LMO7: variants seen among roughly 807,000 people sequenced by gnomAD.
The protein encoded by LMO7 is LIM domain only protein 7.
In LMO7, 120 loss-of-function variants were observed where a neutral mutation model predicts 206.5. The ratio of observed to expected loss-of-function variants is 0.58; its 90% CI spans 0.50 to 0.68. LMO7 has a LOEUF of 0.68. LMO7 is among the 30% of genes least tolerant of loss of function. LMO7 has a pLI of 0.00. For missense variants in LMO7, 1,959 were observed against 1,957.9 expected (o/e 1.00, Z -0.01); for synonymous variants, 706 against 681.5 (o/e 1.04, Z -0.56).
chr13:75,774,960 TGC>T (rs2050187207), intron 4 of LMO7, among the ~76,000 whole-genome samples: 1 of 152,064 alleles, frequency 6.6e-6, no homozygotes, highest in African/African-American at 2.4e-5. Flanking sequence ...TAAAAAATAA[TGC>T]GAGGTGATAA....
intron 2 of LMO7, chr13:75,627,107 G>A (rs1370357488): frequency 6.6e-6 from 1 of 152,074 alleles, no homozygotes; most frequent in Non-Finnish European, 1.5e-5. Flanking sequence ...AACAAGAATT[G>A]CAATTACAAT....
intron 4 of LMO7, among the ~76,000 whole-genome samples, chr13:75,766,941 T>C (rs2048979851): frequency 6.6e-6 from 1 of 152,150 alleles, no homozygotes; most frequent in African/African-American, 2.4e-5. Flanking sequence ...CCTCTTTTTA[T>C]TCTCATTATA....
intron 3 of LMO7, among the ~76,000 whole-genome samples, chr13:75,748,836 G>T (rs1287853997): frequency 6.7e-6 from 1 of 150,080 alleles, no homozygotes; most frequent in African/African-American, 2.4e-5. Context: ...TTTGAGACAG[G>T]GTCTGGTTCT....
At chr13:75,662,639 C>A (rs12873543) in intron 1 of LMO7, among the ~76,000 whole-genome samples, 1 of 135,104 alleles carries the variant, frequency 7.4e-6, no homozygotes, top group Non-Finnish European at 1.7e-5. Flanking sequence ...TTTTAATGTG[C>A]CAAAAGTTTT....
intron 4 of LMO7, among the ~76,000 whole-genome samples, chr13:75,778,054 G>A (rs61958156): frequency 0.11 from 16,628 of 152,158 alleles, 1,334 homozygotes; most frequent in Admixed American, 0.24. Context: ...CGACAAGAAT[G>A]CATGGTATTA....
At chr13:75,639,844 T>C (rs574312992) in intron 1 of LMO7, among the ~76,000 whole-genome samples, 1 of 152,342 alleles carries the variant, frequency 6.6e-6, no homozygotes, top group African/African-American at 2.4e-5. Context: ...ATTCACCACC[T>C]TTCTGCTCAC....
intron 7 of LMO7, among the ~76,000 whole-genome samples, chr13:75,802,996 A>G (rs1595127826): frequency 6.6e-6 from 1 of 152,226 alleles, no homozygotes; most frequent in Non-Finnish European, 1.5e-5. Context: ...AAAGTTAGAA[A>G]GTAAAATAGT....
intron 3 of LMO7, among the ~76,000 whole-genome samples, chr13:75,727,302 A>G (rs1487795848): frequency 1.3e-5 from 2 of 151,670 alleles, no homozygotes; most frequent in Non-Finnish European, 2.9e-5. Flanking sequence ...TTATTTATTT[A>G]TTTATTTATT....
intron 3 of LMO7, among the ~76,000 whole-genome samples, chr13:75,730,219 G>A (rs1566361130): frequency 6.6e-6 from 1 of 152,122 alleles, no homozygotes; most frequent in Non-Finnish European, 1.5e-5. Context: ...GTTCCTCCTT[G>A]TACCTCTGGT....
chr13:75,640,098 A>T (rs1253896161), intron 1 of LMO7, among the ~76,000 whole-genome samples: 1 of 2,068 alleles, frequency 4.8e-4, no homozygotes, highest in Non-Finnish European at 1.1e-3. Flanking sequence ...ATTTCAATCA[A>T]CAGATATTAA....
intron 4 of LMO7, among the ~76,000 whole-genome samples, chr13:75,787,848 G>A (rs2052673766): frequency 1.3e-5 from 2 of 152,158 alleles, no homozygotes; most frequent in Non-Finnish European, 2.9e-5. Context: ...TCTTTTTAAT[G>A]CAGCTTACTT....
chr13:75,787,542 AG>A (rs2052628822), intron 4 of LMO7, among the ~76,000 whole-genome samples: 1 of 152,254 alleles, frequency 6.6e-6, no homozygotes, highest in Non-Finnish European at 1.5e-5. Context: ...GATTGGAATA[AG>A]CATTATGTTG....
chr13:75,857,713 C>T (rs2061081239), intron 30 of LMO7: 1 of 388,838 alleles, frequency 2.6e-6, no homozygotes, highest in Middle Eastern at 3.4e-4. Context: ...CTATTGTGAG[C>T]AGTTCATTTT....
intron 3 of LMO7, among the ~76,000 whole-genome samples, chr13:75,756,193 C>T (rs1432521555): frequency 6.6e-6 from 1 of 152,142 alleles, no homozygotes; most frequent in African/African-American, 2.4e-5. Flanking sequence ...GTCCTCCAGT[C>T]ATCTCAGCAA....
chr13:75,672,086 C>T (rs186396318), intron 1 of LMO7, among the ~76,000 whole-genome samples: 1 of 152,178 alleles, frequency 6.6e-6, no homozygotes, highest in East Asian at 1.9e-4. Flanking sequence ...ATACCAACAT[C>T]CCTGGATGTT....
At chr13:75,688,478 C>T (rs1424840162) in intron 1 of LMO7, 1 of 152,218 alleles carries the variant, frequency 6.6e-6, no homozygotes, top group Admixed American at 6.5e-5. Flanking sequence ...TTTTCTGACA[C>T]ATTTAACACA....
chr13:75,835,143 G>A, intron 17 of LMO7, 90 bp from the exon 18 acceptor site: 3 of 1,553,670 alleles, frequency 1.9e-6, no homozygotes, highest in Non-Finnish European at 1.7e-6. Context: ...ATCTTCATGT[G>A]CCAATCAGAC....
intron 15 of LMO7, among the ~76,000 whole-genome samples, chr13:75,824,382 A>T (rs1197109484): frequency 1.3e-5 from 2 of 152,184 alleles, no homozygotes; most frequent in Non-Finnish European, 2.9e-5. Flanking sequence ...GTACTTTAGA[A>T]CGTCTATAAT....
At chr13:75,708,019 G>A (rs1159866851) in intron 1 of LMO7, among the ~76,000 whole-genome samples, 1 of 152,068 alleles carries the variant, frequency 6.6e-6, no homozygotes, top group Non-Finnish European at 1.5e-5. Flanking sequence ...AACTAACTCA[G>A]CCATGTCTAT....
Sources: gnomAD v4.1 joint callset for allele counts (sites outside exome capture counted in the v4.1 genomes callset) on GRCh38, gnomAD v4.1.1 for gene constraint, MANE v1.5 for transcripts, NCBI Gene and HGNC (gene_info 2026-07-23, HGNC 2026-07-21) for gene names.